The following DMRT1 variants were observed in gnomAD, a reference collection of about 807,000 sequenced individuals.
DMRT1 encodes doublesex and mab-3 related transcription factor 1, also known as doublesex- and mab-3-related transcription factor 1.
In DMRT1, 7 loss-of-function variants were observed where a neutral mutation model predicts 32.3. That is an observed-to-expected ratio of 0.22 (90% CI 0.12 to 0.41). The LOEUF is 0.41. Ranked by LOEUF, DMRT1 falls within the 10% of genes least tolerant of loss-of-function variation. The pLI is 1.00. For synonymous variants in DMRT1, 278 were observed against 206.1 expected (o/e 1.35, Z -2.99); for missense variants, 625 against 500.5 (o/e 1.25, Z -2.37).
chr9:864,791 T>C (rs10815915), intron 2 of DMRT1, among the ~76,000 whole-genome samples: 56,843 of 151,984 alleles, frequency 0.37, 11,005 homozygotes, highest in Non-Finnish European at 0.43. Flanking sequence ...TGAGCCACCG[T>C]GCCCGCCAGC....
At chr9:851,979 G>A (rs149981274) in intron 2 of DMRT1, among the ~76,000 whole-genome samples, 2,006 of 148,244 alleles carry the variant, frequency 0.014, 50 homozygotes, top group African/African-American at 0.045. Flanking sequence ...TCACTCTGTC[G>A]CTTAGGCTGG....
chr9:891,622 C>T lies in DMRT1; in HGVS notation c.539-2290C>T, dbSNP rs138870792. 8.8e-3 allele frequency among the ~76,000 whole-genome samples: 1,327 copies of T among 151,316 alleles called. 17 individuals are homozygous for T. The highest frequency in any genetic ancestry group is 0.029 in the African/African-American group (1,194 of 41,264). On this transcript the variant is annotated intron_variant, in intron 2 of 4. Coordinates refer to ENST00000382276, the MANE Select transcript of DMRT1 (RefSeq NM_021951.3). ...CTCTGTCTCCCAGGTTCAAGCGATT[C>T]TCCTGCCTCAGCCTCCCAAGTAGCT...
At chr9:899,424 T>C in intron 3 of DMRT1, among the ~76,000 whole-genome samples, 1 of 152,196 alleles carries the variant, frequency 6.6e-6, no homozygotes, top group Non-Finnish European at 1.5e-5. Context: ...CCAAACCTCC[T>C]TAAAAAATAG....
At chr9:931,841 A>G (rs1315634105) in intron 4 of DMRT1, among the ~76,000 whole-genome samples, 2 of 152,216 alleles carry the variant, frequency 1.3e-5, no homozygotes, top group African/African-American at 2.4e-5. Context: ...CACAGAGACT[A>G]CATTCAGTCA....
intron 3 of DMRT1, among the ~76,000 whole-genome samples, chr9:906,031 C>CACACACACA (rs755850220): frequency 4.2e-3 from 81 of 19,330 alleles, no homozygotes; most frequent in African/African-American, 6.5e-3. Flanking sequence ...ACACACACAC[C>CACACACACA]CACACACACA....
At chr9:967,194 A>G (rs1360379533) in intron 4 of DMRT1, among the ~76,000 whole-genome samples, 1 of 152,162 alleles carries the variant, frequency 6.6e-6, no homozygotes, top group African/African-American at 2.4e-5. Flanking sequence ...AAACTCAGCT[A>G]AGGTTAAGAA....
intron 2 of DMRT1, among the ~76,000 whole-genome samples, chr9:872,593 T>C (rs1816321157): frequency 6.6e-6 from 1 of 152,236 alleles, no homozygotes; most frequent in Non-Finnish European, 1.5e-5. Flanking sequence ...ATTATTTGTG[T>C]CTGACTTCTT....
chr9:913,532 T>C (rs894940609), intron 3 of DMRT1, among the ~76,000 whole-genome samples: 4 of 152,116 alleles, frequency 2.6e-5, no homozygotes, highest in Admixed American at 1.3e-4. Context: ...AAATTAAAAA[T>C]TGCTATTTAC....
intron 4 of DMRT1, among the ~76,000 whole-genome samples, chr9:925,591 A>T (rs1026559816): frequency 6.6e-6 from 1 of 152,106 alleles, no homozygotes; most frequent in Non-Finnish European, 1.5e-5. Context: ...ACGAACTCAG[A>T]TCCCTGAATT....
rs1820026910 is a variant in DMRT1, at chr9:969,059, T to C, written c.*920T>C. 1 of 152,680 alleles carries C rather than the reference T, an allele frequency of 6.5e-6. No homozygotes were observed. Among genetic ancestry groups the C allele is most frequent in the Non-Finnish European group, 1.5e-5 (1 of 68,044 alleles). The allele number at this position is 152,680 out of a possible 1,614,324, so 9.5% of individuals were successfully genotyped here. ...TCATTGTTCTACTTAGTTGCAGCTG[T>C]ACCTGAAATAAAAATGTTATTGATG... is the stretch of plus-strand genomic sequence containing the variant. On this transcript the variant is annotated 3_prime_UTR_variant, in exon 5 of 5. Coordinates refer to ENST00000382276, the MANE Select transcript of DMRT1 (RefSeq NM_021951.3).
intron 4 of DMRT1, among the ~76,000 whole-genome samples, chr9:949,061 C>T (rs766584086): frequency 6.6e-6 from 1 of 151,780 alleles, no homozygotes; most frequent in Non-Finnish European, 1.5e-5. Flanking sequence ...CCACTGTACT[C>T]CAGCCTGAGC....
intron 4 of DMRT1, among the ~76,000 whole-genome samples, chr9:921,384 C>T (rs753719568): frequency 3.9e-5 from 6 of 152,138 alleles, no homozygotes; most frequent in Middle Eastern, 3.2e-3. Context: ...TTTGTTTAGC[C>T]GTTCATCAGT....
At chr9:904,850 G>T (rs545746362) in intron 3 of DMRT1, among the ~76,000 whole-genome samples, 1 of 151,662 alleles carries the variant, frequency 6.6e-6, no homozygotes, top group East Asian at 1.9e-4. Context: ...GCTGAGGCAG[G>T]AGAATCGCTT....
chr9:948,194 C>G (rs73380471), intron 4 of DMRT1, among the ~76,000 whole-genome samples: 1 of 152,158 alleles, frequency 6.6e-6, no homozygotes, highest in Admixed American at 6.5e-5. Flanking sequence ...TGGGGTGGAG[C>G]CTGCCTTGGT....
intron 4 of DMRT1, among the ~76,000 whole-genome samples, chr9:956,064 G>A (rs401160): frequency 6.6e-6 from 1 of 152,096 alleles, no homozygotes; most frequent in African/African-American, 2.4e-5. Flanking sequence ...AGGTGTATAC[G>A]TATACAATGG....
intron 4 of DMRT1, among the ~76,000 whole-genome samples, chr9:961,139 G>T (rs557233207): frequency 4.6e-5 from 7 of 152,182 alleles, no homozygotes; most frequent in African/African-American, 1.7e-4. Flanking sequence ...CACCTCCGGA[G>T]CCCACACCTG....
At chr9:927,702 G>C (rs774129235) in intron 4 of DMRT1, among the ~76,000 whole-genome samples, 1 of 152,322 alleles carries the variant, frequency 6.6e-6, no homozygotes, top group East Asian at 1.9e-4. Flanking sequence ...GCGCTTCCTG[G>C]TGTAAAGAAT....
intron 3 of DMRT1, among the ~76,000 whole-genome samples, chr9:898,745 G>A (rs946226392): frequency 6.6e-6 from 1 of 152,214 alleles, no homozygotes; most frequent in Non-Finnish European, 1.5e-5. Context: ...TTTCTTGACT[G>A]TGTTGCTAAG....
At chr9:870,792 C>T (rs7870174) in intron 2 of DMRT1, among the ~76,000 whole-genome samples, 61,417 of 144,480 alleles carry the variant, frequency 0.43, 13,333 homozygotes, top group African/African-American at 0.51. Context: ...GCTCACTGCA[C>T]CCTCTAGTCC....
Sources: gnomAD v4.1 joint callset for allele counts (sites outside exome capture counted in the v4.1 genomes callset) on GRCh38, gnomAD v4.1.1 for gene constraint, MANE v1.5 for transcripts, NCBI Gene and HGNC (gene_info 2026-07-23, HGNC 2026-07-21) for gene names.